DENND4C: variants seen among roughly 807,000 people sequenced by gnomAD.
DENND4C encodes DENN domain containing 4C.
A neutral mutation model predicts 203.0 loss-of-function variants in DENND4C; 108 were observed. The ratio of observed to expected loss-of-function variants is 0.53; its 90% CI spans 0.46 to 0.62. The LOEUF is 0.62. Among genes scored for constraint, DENND4C ranks in the 20% least tolerant of loss-of-function variants. DENND4C has a pLI of 0.00. For missense variants in DENND4C, 2,481 were observed against 2,301.2 expected, an observed-to-expected ratio of 1.08 and a Z score of -1.60; for synonymous variants, 871 against 792.4, an observed-to-expected ratio of 1.10 and a Z score of -1.67.
chr9:19,264,663 T>C (rs973615223), intron 1 of DENND4C, among the ~76,000 whole-genome samples: 3 of 152,190 alleles, frequency 2.0e-5, no homozygotes, highest in African/African-American at 7.2e-5. Flanking sequence ...GTCTCATCTC[T>C]GATCTTATTT....
chr9:19,332,923 T>C (rs1003178027), intron 17 of DENND4C, among the ~76,000 whole-genome samples: 3 of 151,032 alleles, frequency 2.0e-5, no homozygotes, highest in Admixed American at 1.3e-4. Context: ...AATATAACTT[T>C]ATTGGGGAGC....
intron 1 of DENND4C, among the ~76,000 whole-genome samples, chr9:19,258,169 A>G (rs1194199075): frequency 1.3e-5 from 2 of 152,162 alleles, no homozygotes; most frequent in Non-Finnish European, 2.9e-5. Context: ...GAAATAGGCA[A>G]GCCAAATAGC....
At chr9:19,352,414 C>T (rs1181238076) in intron 25 of DENND4C, 76 bp from the exon 26 acceptor site, 3 of 1,389,504 alleles carry the variant, frequency 2.2e-6, no homozygotes, top group Non-Finnish European at 2.9e-6. Flanking sequence ...AAAAAAAATC[C>T]CATTATCTCA....
chr9:19,350,649 C>T, intron 23 of DENND4C, 53 bp from the exon 24 acceptor site: 2 of 1,484,850 alleles, frequency 1.3e-6, no homozygotes, highest in Non-Finnish European at 1.8e-6. Context: ...GGGTATAATC[C>T]CACTGGAGAA....
rs544375709 is a variant in DENND4C, at chr9:19,300,396, T to G, written c.1311+65T>G. ...ATAATTTTTACTCCAAAGGGAAATTTTCTTCAAAAACAGCAACTTTGTAAA... is the reference window on the plus strand; with the variant it reads ...ATAATTTTTACTCCAAAGGGAAATTGTCTTCAAAAACAGCAACTTTGTAAA... On this transcript the variant is annotated intron_variant, in intron 9 of 32. Coordinates refer to ENST00000434457, the MANE Select transcript of DENND4C (RefSeq NM_001330640.2). 1.2e-5 allele frequency: 16 copies of G among 1,364,710 alleles called. No individual in the cohort carries two copies. In the East Asian group the frequency reaches 3.9e-4, roughly 33 times the overall value. 84.5% of individuals were successfully genotyped at this position (1,364,710 alleles called of 1,614,324 possible). A position where few individuals can be genotyped will look rare whatever the true frequency, so the allele number is the denominator to read the frequency against.
intron 1 of DENND4C, among the ~76,000 whole-genome samples, chr9:19,252,199 A>G (rs2221794): frequency 0.28 from 42,247 of 152,088 alleles, 6,131 homozygotes; most frequent in Non-Finnish European, 0.32. Flanking sequence ...TGTGAATGGC[A>G]GCAGGCAAAT....
intron 6 of DENND4C, among the ~76,000 whole-genome samples, chr9:19,297,759 C>T (rs1168155615): frequency 6.6e-6 from 1 of 152,040 alleles, no homozygotes; most frequent in African/African-American, 2.4e-5. Flanking sequence ...GCACAGATAA[C>T]CAGGGCTATA....
intron 1 of DENND4C, among the ~76,000 whole-genome samples, chr9:19,250,550 C>T (rs1271358346): frequency 1.3e-5 from 2 of 152,140 alleles, no homozygotes; most frequent in South Asian, 2.1e-4. Flanking sequence ...CTCATTTTGA[C>T]ATTAACTCAA....
At chr9:19,368,773 C>A (rs1035357943) in intron 30 of DENND4C, among the ~76,000 whole-genome samples, 1 of 151,966 alleles carries the variant, frequency 6.6e-6, no homozygotes, top group African/African-American at 2.4e-5. Context: ...TCACTCCAGC[C>A]TGGGTGACGG....
chr9:19,310,911 A>T (rs1285003236), intron 10 of DENND4C, among the ~76,000 whole-genome samples: 1 of 152,204 alleles, frequency 6.6e-6, no homozygotes, highest in African/African-American at 2.4e-5. Flanking sequence ...CCTGAAATAA[A>T]CATCATTATA....
In DENND4C at chr9:19,336,535, A is replaced by T. The variant is rs1820515576; in HGVS notation, c.2734+121A>T. The T allele has an allele frequency of 3.5e-6, 5 of 1,441,506 alleles. No homozygotes were observed. In the South Asian group the frequency reaches 7.4e-5, roughly 21 times the overall value. 89.3% of individuals were successfully genotyped at this position (1,441,506 alleles called of 1,614,324 possible). A position where few individuals can be genotyped will look rare whatever the true frequency, so the allele number is the denominator to read the frequency against. On this transcript the variant is annotated intron_variant, in intron 19 of 32. Transcript: ENST00000434457. The stretch of plus-strand genomic sequence containing the variant: ...GGTAGACATTTTCACATACATTTAA[A>T]GACAGATTGTCTTAGTCCAAAATTA...
At chr9:19,255,456 A>G (rs931121512) in intron 1 of DENND4C, among the ~76,000 whole-genome samples, 1 of 151,982 alleles carries the variant, frequency 6.6e-6, no homozygotes, top group Admixed American at 6.6e-5. Context: ...ACTGTTATCT[A>G]CACATCACTA....
In DENND4C at chr9:19,346,290, C is replaced by G; in HGVS notation, c.3521C>G (p.Ser1174Ter). The G allele has an allele frequency of 6.2e-7, 1 of 1,614,158 alleles. No homozygotes were observed. The highest frequency in any genetic ancestry group is 8.5e-7 in the Non-Finnish European group (1 of 1,180,030). The change falls in exon 23 of 33, where the codon TCA becomes TGA. Residue 1174 changes from serine (S) to a stop codon, truncating the protein, a stop_gained. Transcript: ENST00000434457. LOFTEE classifies it high-confidence loss of function. The part of the protein sequence containing the change: ...SESTWNPEHR[S>*]SPVPEMLEES... ...AGCACTTGGAATCCTGAGCACAGAT[C>G]ATCTCCGGTGCCAGAGATGCTTGAG... is the stretch of plus-strand genomic sequence containing the variant.
At chr9:19,243,620 C>T (rs902648909) in intron 1 of DENND4C, among the ~76,000 whole-genome samples, 166 of 152,226 alleles carry the variant, frequency 1.1e-3, no homozygotes, top group Non-Finnish European at 2.6e-4. Context: ...CAATGTGTGA[C>T]CTTTTGTGTC....
chr9:19,240,259 T>A (rs916106311), intron 1 of DENND4C, among the ~76,000 whole-genome samples: 1 of 152,236 alleles, frequency 6.6e-6, no homozygotes, highest in South Asian at 2.1e-4. Flanking sequence ...AGCCTATTGC[T>A]TCTAGGCTAC....
intron 1 of DENND4C, among the ~76,000 whole-genome samples, chr9:19,265,313 G>A (rs189728996): frequency 4.3e-4 from 66 of 152,108 alleles, no homozygotes; most frequent in Admixed American, 3.6e-3. Flanking sequence ...CACTGTGCTC[G>A]GCCAATTTTT....
intron 1 of DENND4C, among the ~76,000 whole-genome samples, chr9:19,250,272 C>G (rs1159977605): frequency 6.6e-6 from 1 of 152,106 alleles, no homozygotes; most frequent in Non-Finnish European, 1.5e-5. Flanking sequence ...GTGAAACCCC[C>G]ATCTCTACTA....
chr9:19,318,193 C>T (rs965807192), intron 12 of DENND4C, among the ~76,000 whole-genome samples: 1 of 152,006 alleles, frequency 6.6e-6, no homozygotes, highest in Admixed American at 6.6e-5. Context: ...GTGGTGTGTG[C>T]CTGTAATCCC....
rs1825841461 is a variant in DENND4C at position 19,358,489 on chromosome 9, TC to T, written c.5160+332del. On this transcript the variant is annotated intron_variant, in intron 28 of 32. Transcript: ENST00000434457. The surrounding 1 kb of genome is among the most constrained non-coding windows in gnomAD (Gnocchi z 4.8). ...CTGTTAGTAAATATTTCAGTATGTA[TC>T]CCTGAATGATGAGGACTTTAGAAAA... is the stretch of plus-strand genomic sequence containing the variant. Among the ~76,000 whole-genome samples, 1 of 152,036 alleles carries T rather than the reference TC, an allele frequency of 6.6e-6. No homozygotes were observed. The highest frequency in any genetic ancestry group is 2.4e-5 in the African/African-American group (1 of 41,288).
Sources: gnomAD v4.1 joint callset for allele counts (sites outside exome capture counted in the v4.1 genomes callset) on GRCh38, gnomAD v4.1.1 for gene constraint, Gnocchi (gnomAD v3.1) non-coding constraint, MANE v1.5 for transcripts, NCBI Gene and HGNC (gene_info 2026-07-23, HGNC 2026-07-21) for gene names.